BNC2: variants seen among roughly 807,000 people sequenced by gnomAD.
BNC2 encodes the protein zinc finger protein basonuclin-2.
Under a neutral mutation model 76.3 loss-of-function variants are expected in BNC2, and 20 were observed. The ratio of observed to expected loss-of-function variants is 0.26; its 90% CI spans 0.18 to 0.38. BNC2 has a LOEUF of 0.38. Among genes scored for constraint, BNC2 ranks in the 10% least tolerant of loss-of-function variants. BNC2 has a pLI of 1.00. For missense variants in BNC2, 1,382 were observed against 1,399.8 expected, an observed-to-expected ratio of 0.99 and a Z score of 0.20; for synonymous variants, 582 against 514.8, an observed-to-expected ratio of 1.13 and a Z score of -1.77.
intron 5 of BNC2, among the ~76,000 whole-genome samples, chr9:16,508,461 G>T (rs1822680939): frequency 1.3e-5 from 2 of 152,092 alleles, no homozygotes; most frequent in Admixed American, 6.5e-5. Flanking sequence ...CATAATTCTT[G>T]TTGATTCTCT....
At chr9:16,846,756 C>G (rs1182935215) in intron 1 of BNC2, among the ~76,000 whole-genome samples, 2 of 152,214 alleles carry the variant, frequency 1.3e-5, no homozygotes, top group Non-Finnish European at 2.9e-5. Flanking sequence ...TTAGACCAAT[C>G]CATGAAGAGT....
intron 3 of BNC2, among the ~76,000 whole-genome samples, chr9:16,590,986 G>C (rs1817629860): frequency 6.6e-6 from 1 of 152,130 alleles, no homozygotes; most frequent in South Asian, 2.1e-4. Context: ...TGACCAAAAA[G>C]ATGAAACAAG....
At chr9:16,634,885 GT>G (rs59933674) in intron 3 of BNC2, among the ~76,000 whole-genome samples, 79,739 of 149,424 alleles carry the variant, frequency 0.53, 23,343 homozygotes, top group African/African-American at 0.8. Flanking sequence ...TAATAAAGGT[GT>G]TTTTTTTTTT....
At chr9:16,575,260 C>T in intron 4 of BNC2, 1 of 985,324 alleles carries the variant, frequency 1.0e-6, no homozygotes, top group South Asian at 4.7e-5. Context: ...TATATTGCCT[C>T]CCATTCATTC....
chr9:16,517,820 G>C (rs1817484915), intron 5 of BNC2, among the ~76,000 whole-genome samples: 1 of 152,070 alleles, frequency 6.6e-6, no homozygotes, highest in South Asian at 2.1e-4. Flanking sequence ...TTCTAAAGCA[G>C]GGTGGACAAG....
At chr9:16,697,434 C>T (rs1446885698) in intron 3 of BNC2, among the ~76,000 whole-genome samples, 1 of 148,996 alleles carries the variant, frequency 6.7e-6, no homozygotes, top group Non-Finnish European at 1.5e-5. Context: ...CTAAAGTATA[C>T]GATGTGGCAG....
intron 4 of BNC2, among the ~76,000 whole-genome samples, chr9:16,557,441 G>C (rs1818870503): frequency 6.6e-6 from 1 of 151,904 alleles, no homozygotes; most frequent in Non-Finnish European, 1.5e-5. Flanking sequence ...GAAGGTTGCA[G>C]TGAGCTGAGA....
At chr9:16,699,243 C>CA (rs376605726) in intron 3 of BNC2, 3 of 468,812 alleles carry the variant, frequency 6.4e-6, no homozygotes, top group Non-Finnish European at 1.3e-5. Flanking sequence ...AATAATGCAA[C>CA]AAAAAAGTCC....
chr9:16,650,104 A>G (rs762691434), intron 3 of BNC2, among the ~76,000 whole-genome samples: 58 of 152,226 alleles, frequency 3.8e-4, no homozygotes, highest in Non-Finnish European at 6.6e-4. Context: ...AGATAAATGC[A>G]CAGTTGGTTT....
chr9:16,663,085 G>A (rs190292411), intron 3 of BNC2, among the ~76,000 whole-genome samples: 195 of 145,284 alleles, frequency 1.3e-3, no homozygotes, highest in Admixed American at 2.3e-3. Flanking sequence ...TCCCCTACTC[G>A]CTCGCTCAAT....
In BNC2 at chr9:16,436,215, G is replaced by T; in HGVS notation, c.1979C>A (p.Pro660His). The change falls in exon 6 of 7, where the codon CCC becomes CAC. Residue 660 changes from proline (P) to histidine (H), a missense_variant. Physicochemically the swap from Pro to His is moderately conservative, Grantham distance 77. Around this residue, in one of 3 missense-constraint regions of BNC2, gnomAD observed 798 missense variants for 775.5 expected, o/e 1.03. Transcript: ENST00000380672. ...ATTGACCACAGCTCCACCATCATTGGGGTCATCATCTTCATCATCAAACTC... is the reference window on the plus strand; with the variant it reads ...ATTGACCACAGCTCCACCATCATTGTGGTCATCATCTTCATCATCAAACTC... Reference protein sequence around the residue: ...ADEFDDEDDDPNDGGAVVNDM... With the variant: ...ADEFDDEDDDHNDGGAVVNDM... 3 of 1,614,094 alleles carry T rather than the reference G, an allele frequency of 1.9e-6. No individual in the cohort carries two copies. The highest frequency in any genetic ancestry group is 2.5e-6 in the Non-Finnish European group (3 of 1,180,012).
intron 4 of BNC2, among the ~76,000 whole-genome samples, chr9:16,556,632 A>G (rs7035791): frequency 0.19 from 29,503 of 151,500 alleles, 5,168 homozygotes; most frequent in African/African-American, 0.46. Context: ...GCTGGGCATG[A>G]TGGTGCGCGC....
At chr9:16,791,432 C>T (rs1162054146) in intron 1 of BNC2, among the ~76,000 whole-genome samples, 1 of 152,114 alleles carries the variant, frequency 6.6e-6, no homozygotes, top group Non-Finnish European at 1.5e-5. Context: ...TTTAGTTAAC[C>T]ATGGCAACTG....
chr9:16,486,232 G>A (rs1822161787), intron 5 of BNC2, among the ~76,000 whole-genome samples: 1 of 152,194 alleles, frequency 6.6e-6, no homozygotes, highest in South Asian at 2.1e-4. Flanking sequence ...TGTCACTCCT[G>A]TTTCAGCCAG....
At chr9:16,606,240 A>G (rs1467989835) in intron 3 of BNC2, among the ~76,000 whole-genome samples, 2 of 152,236 alleles carry the variant, frequency 1.3e-5, no homozygotes, top group Non-Finnish European at 2.9e-5. Flanking sequence ...GAGAGAATAG[A>G]AAAAATATTT....
At chr9:16,474,966 G>C (rs933239422) in intron 5 of BNC2, among the ~76,000 whole-genome samples, 4 of 152,152 alleles carry the variant, frequency 2.6e-5, no homozygotes, top group Non-Finnish European at 4.4e-5. Context: ...AACACAGAAA[G>C]AACTACATAG....
At chr9:16,746,462 C>G (rs932891543) in intron 1 of BNC2, among the ~76,000 whole-genome samples, 34 of 151,948 alleles carry the variant, frequency 2.2e-4, no homozygotes, top group African/African-American at 8.0e-4. Context: ...CTCCTGGGTT[C>G]AAGGGATTCT....
intron 4 of BNC2, among the ~76,000 whole-genome samples, chr9:16,578,669 C>T (rs1819550512): frequency 6.6e-6 from 1 of 152,002 alleles, no homozygotes; most frequent in Non-Finnish European, 1.5e-5. Flanking sequence ...AATTACATCA[C>T]CAGAAAAGGA....
At chr9:16,868,250 A>G (rs1476050579) in intron 1 of BNC2, 3 of 152,178 alleles carry the variant, frequency 2.0e-5, no homozygotes, top group Non-Finnish European at 4.4e-5. Flanking sequence ...CAACCATGAA[A>G]CATCCCTGAC....
Sources: allele counts gnomAD v4.1 joint callset (sites outside exome capture counted in the v4.1 genomes callset), GRCh38; gene constraint gnomAD v4.1.1; regional missense constraint gnomAD v4.1.1; transcripts MANE v1.5; gene names NCBI Gene and HGNC (gene_info 2026-07-23, HGNC 2026-07-21).